Variants in DPP6 observed in about 807,000 individuals in gnomAD.
DPP6 encodes the protein A-type potassium channel modulatory protein DPP6.
A neutral mutation model predicts 122.6 loss-of-function variants in DPP6; 69 were observed. The observed-to-expected ratio is 0.56, with a 90% CI of 0.46 to 0.69. DPP6 has a LOEUF of 0.69. Ranked by LOEUF, DPP6 falls within the 30% of genes least tolerant of loss-of-function variation. The pLI is 0.00. For missense variants in DPP6, 928 were observed against 1,116.9 expected (o/e 0.83, Z 2.41); for synonymous variants, 418 against 433.1 (o/e 0.97, Z 0.43).
At chr7:154,196,350 C>T (rs1183812222) in intron 1 of DPP6, among the ~76,000 whole-genome samples, 1 of 152,120 alleles carries the variant, frequency 6.6e-6, no homozygotes, top group East Asian at 1.9e-4. Context: ...ATTAGCTGGG[C>T]ACGTTGGTTC....
At chr7:154,230,942 C>T (rs1408957190) in intron 1 of DPP6, among the ~76,000 whole-genome samples, 2 of 152,186 alleles carry the variant, frequency 1.3e-5, no homozygotes, top group African/African-American at 4.8e-5. Flanking sequence ...TTTTGCATCA[C>T]TGTAAAGAAA....
chr7:153,786,728 G>A, the DPP6 span, among the ~76,000 whole-genome samples: 1 of 106,002 alleles, frequency 9.4e-6, no homozygotes, highest in Non-Finnish European at 1.9e-5. Context: ...GACAGAGCGA[G>A]ACTCCGTCTC....
chr7:154,759,617 C>T (rs1448310925), intron 8 of DPP6, among the ~76,000 whole-genome samples: 2 of 152,190 alleles, frequency 1.3e-5, no homozygotes, highest in African/African-American at 2.4e-5. Context: ...CAAGATGGGA[C>T]CCCCTACTTC....
At chr7:154,567,737 T>G (rs1356535517) in intron 5 of DPP6, among the ~76,000 whole-genome samples, 1 of 152,216 alleles carries the variant, frequency 6.6e-6, no homozygotes, top group East Asian at 1.9e-4. Context: ...CTGTGAGGTG[T>G]AATGACTCCT....
At chr7:154,064,091 G>A (rs1397892422) in intron 1 of DPP6, among the ~76,000 whole-genome samples, 1 of 152,184 alleles carries the variant, frequency 6.6e-6, no homozygotes, top group African/African-American at 2.4e-5. Flanking sequence ...AAGCCACTGA[G>A]TTGTTCAATG....
intron 1 of DPP6, among the ~76,000 whole-genome samples, chr7:153,944,774 G>T (rs112311796): frequency 4.6e-4 from 67 of 146,146 alleles, no homozygotes; most frequent in African/African-American, 1.5e-3. Context: ...GGGATTACAG[G>T]CACACACCAC....
chr7:154,135,022 G>A (rs1304266728), intron 1 of DPP6, among the ~76,000 whole-genome samples: 1 of 151,482 alleles, frequency 6.6e-6, no homozygotes, highest in African/African-American at 2.4e-5. Flanking sequence ...CTTCCTGTGA[G>A]CCCATACTTC....
At chr7:154,763,823 C>T (rs989675007) in intron 8 of DPP6, among the ~76,000 whole-genome samples, 2 of 152,148 alleles carry the variant, frequency 1.3e-5, no homozygotes, top group Non-Finnish European at 2.9e-5. Flanking sequence ...TTGGCAGGTG[C>T]GGCAGGAGGG....
the DPP6 span, among the ~76,000 whole-genome samples, chr7:153,792,921 T>G: frequency 6.6e-6 from 1 of 152,214 alleles, no homozygotes; most frequent in Non-Finnish European, 1.5e-5. Context: ...TGCTTTTGCT[T>G]CTTCCTCATT....
At chr7:153,807,391 A>G in the DPP6 span, among the ~76,000 whole-genome samples, 1 of 151,682 alleles carries the variant, frequency 6.6e-6, no homozygotes, top group East Asian at 1.9e-4. Flanking sequence ...CCTGGGCCAC[A>G]GAGCGAGACT....
intron 7 of DPP6, among the ~76,000 whole-genome samples, chr7:154,708,048 T>C (rs73730244): frequency 0.024 from 3,698 of 152,160 alleles, 167 homozygotes; most frequent in African/African-American, 0.084. Flanking sequence ...GGCCAAAATA[T>C]AGGGAATGTG....
chr7:154,462,971 T>C (rs1368544697), intron 2 of DPP6, among the ~76,000 whole-genome samples: 1 of 152,050 alleles, frequency 6.6e-6, no homozygotes, highest in East Asian at 1.9e-4. Flanking sequence ...TTGCTGAATT[T>C]TTTTATCAGT....
At chr7:153,956,163 C>T (rs1172468626) in intron 1 of DPP6, among the ~76,000 whole-genome samples, 3 of 152,104 alleles carry the variant, frequency 2.0e-5, no homozygotes, top group Non-Finnish European at 2.9e-5. Context: ...ACGAACACTT[C>T]GGCTGTATCA....
At chr7:154,796,082 C>A in intron 12 of DPP6, 199 bp downstream of exon 12, 1 of 793,762 alleles carries the variant, frequency 1.3e-6, no homozygotes, top group Non-Finnish European at 1.9e-6. Context: ...CAGGAGAATC[C>A]AAGTTCCAGG....
intron 1 of DPP6, among the ~76,000 whole-genome samples, chr7:154,059,817 C>T: frequency 1.3e-5 from 2 of 151,416 alleles, no homozygotes; most frequent in African/African-American, 2.4e-5. Context: ...AGGCCCGTAG[C>T]CTACGTCTCT....
intron 8 of DPP6, among the ~76,000 whole-genome samples, chr7:154,746,185 G>T (rs1306401495): frequency 6.6e-6 from 1 of 152,176 alleles, no homozygotes; most frequent in Non-Finnish European, 1.5e-5. Context: ...TCTTTGTGGG[G>T]AGACATGTCA....
chr7:154,423,049 T>C (rs555839999), intron 1 of DPP6, among the ~76,000 whole-genome samples: 1 of 152,306 alleles, frequency 6.6e-6, no homozygotes, highest in East Asian at 1.9e-4. Flanking sequence ...GTGTGTGTTG[T>C]TGTTAGTGTG....
chr7:154,582,386 T>C (rs1298536760), intron 5 of DPP6, among the ~76,000 whole-genome samples: 1 of 152,232 alleles, frequency 6.6e-6, no homozygotes, highest in East Asian at 1.9e-4. Flanking sequence ...GCTCCATTTA[T>C]CTGACCCATT....
intron 1 of DPP6, among the ~76,000 whole-genome samples, chr7:154,257,636 G>T (rs1057514423): frequency 1.2e-4 from 19 of 152,224 alleles, no homozygotes; most frequent in Non-Finnish European, 1.8e-4. Context: ...GGCAGAGATT[G>T]CAGTGAGCCA....
Sources: gnomAD v4.1 joint callset for allele counts (sites outside exome capture counted in the v4.1 genomes callset) on GRCh38, gnomAD v4.1.1 for gene constraint, MANE v1.5 for transcripts, NCBI Gene and HGNC (gene_info 2026-07-23, HGNC 2026-07-21) for gene names.